The following KHDRBS2 variants were observed in gnomAD, a reference collection of about 807,000 sequenced individuals.
The protein encoded by KHDRBS2 is KH RNA binding domain containing, signal transduction associated 2, also known as KH domain-containing, RNA-binding, signal transduction-associated protein 2.
Under a neutral mutation model 44.3 loss-of-function variants are expected in KHDRBS2, and 26 were observed. That is an observed-to-expected ratio of 0.59 (90% CI 0.43 to 0.81). The LOEUF (loss-of-function observed/expected upper bound fraction) is 0.81. Among genes scored for constraint, KHDRBS2 ranks in the 40% least tolerant of loss-of-function variants. The pLI is 0.00. For synonymous variants in KHDRBS2, 194 were observed against 151.1 expected, an observed-to-expected ratio of 1.28 and a Z score of -2.08; for missense variants, 476 against 433.1, an observed-to-expected ratio of 1.10 and a Z score of -0.88.
chr6:61,880,333 T>A (rs1400130698), intron 6 of KHDRBS2, among the ~76,000 whole-genome samples: 1 of 151,926 alleles, frequency 6.6e-6, no homozygotes, highest in African/African-American at 2.4e-5. Flanking sequence ...TGGGAGCAAA[T>A]TTTAATGGAG....
At chr6:61,849,629 A>G (rs941391768) in intron 6 of KHDRBS2, among the ~76,000 whole-genome samples, 1 of 146,740 alleles carries the variant, frequency 6.8e-6, no homozygotes, top group Non-Finnish European at 1.5e-5. Context: ...TCAGAGAAAC[A>G]AAGTTTTTTT....
chr6:61,746,932 T>G (rs745375685), intron 6 of KHDRBS2, among the ~76,000 whole-genome samples: 67 of 150,936 alleles, frequency 4.4e-4, no homozygotes, highest in Non-Finnish European at 4.0e-4. Context: ...ACCATCAGAG[T>G]GAACAGGCAA....
intron 7 of KHDRBS2, among the ~76,000 whole-genome samples, chr6:61,729,028 G>C (rs547054993): frequency 9.9e-5 from 15 of 152,170 alleles, no homozygotes; most frequent in African/African-American, 3.6e-4. Flanking sequence ...ACATGCACTT[G>C]TATGTTTATT....
chr6:61,896,939 T>C (rs1191666792), intron 5 of KHDRBS2, among the ~76,000 whole-genome samples: 1 of 152,176 alleles, frequency 6.6e-6, no homozygotes, highest in Non-Finnish European at 1.5e-5. Context: ...TGCTTTTCTC[T>C]ACTTTTCCTC....
intron 4 of KHDRBS2, among the ~76,000 whole-genome samples, chr6:61,949,370 C>T (rs1416081335): frequency 6.6e-6 from 1 of 152,012 alleles, no homozygotes; most frequent in East Asian, 1.9e-4. Flanking sequence ...TTACATGTTG[C>T]ATGCTTTTTA....
chr6:61,763,727 T>A (rs1279491847), intron 6 of KHDRBS2, among the ~76,000 whole-genome samples: 1 of 152,192 alleles, frequency 6.6e-6, no homozygotes, highest in Non-Finnish European at 1.5e-5. Context: ...TTATGTGGAA[T>A]CCTTAAGTCA....
intron 6 of KHDRBS2, among the ~76,000 whole-genome samples, chr6:61,860,049 A>G (rs1562318714): frequency 6.6e-6 from 1 of 151,954 alleles, no homozygotes; most frequent in Non-Finnish European, 1.5e-5. Flanking sequence ...ATGGATTGAG[A>G]AAAGGGAATT....
chr6:62,273,019 A>G (rs1218343441), intron 1 of KHDRBS2, among the ~76,000 whole-genome samples: 1 of 152,180 alleles, frequency 6.6e-6, no homozygotes, highest in Non-Finnish European at 1.5e-5. Context: ...AAAAAGGGAT[A>G]CATAAGTTAA....
At chr6:61,661,817 AC>A in the KHDRBS2 span, among the ~76,000 whole-genome samples, 1 of 152,004 alleles carries the variant, frequency 6.6e-6, no homozygotes, top group Non-Finnish European at 1.5e-5. Context: ...AAATGGCCAT[AC>A]TGCCTAAGGT....
chr6:61,573,009 G>T, the KHDRBS2 span, among the ~76,000 whole-genome samples: 1 of 152,104 alleles, frequency 6.6e-6, no homozygotes, highest in East Asian at 1.9e-4. Context: ...CATTCAAATT[G>T]GTAAAGACAA....
chr6:61,632,344 A>G, the KHDRBS2 span, among the ~76,000 whole-genome samples: 1 of 152,132 alleles, frequency 6.6e-6, no homozygotes. Flanking sequence ...GCAGTAAAGG[A>G]GGAAGAAAAC....
chr6:62,167,598 T>C (rs1818975858), intron 2 of KHDRBS2, among the ~76,000 whole-genome samples: 1 of 152,096 alleles, frequency 6.6e-6, no homozygotes, highest in African/African-American at 2.4e-5. Flanking sequence ...ATTTTCTCAA[T>C]TAAAATTTAA....
chr6:62,241,921 G>C (rs181635095), intron 1 of KHDRBS2, among the ~76,000 whole-genome samples: 1 of 152,058 alleles, frequency 6.6e-6, no homozygotes, highest in Admixed American at 6.6e-5. Context: ...TCTTTTTTTG[G>C]AAGTTGGTCA....
chr6:61,556,475 A>G, the KHDRBS2 span, among the ~76,000 whole-genome samples: 3,762 of 152,276 alleles, frequency 0.025, 74 homozygotes, highest in Middle Eastern at 0.037. Flanking sequence ...ATTGGCAAAG[A>G]CATTCTAAGT....
intron 7 of KHDRBS2, among the ~76,000 whole-genome samples, chr6:61,708,728 T>C (rs1417063603): frequency 1.3e-5 from 2 of 151,650 alleles, no homozygotes; most frequent in Non-Finnish European, 3.0e-5. Flanking sequence ...GATAGATAGA[T>C]AGTAAACAGT....
intron 2 of KHDRBS2, among the ~76,000 whole-genome samples, chr6:62,088,277 A>C (rs1798798842): frequency 6.6e-6 from 1 of 152,102 alleles, no homozygotes; most frequent in South Asian, 2.1e-4. Context: ...GAGAAGAGGC[A>C]TTCTGGCTTT....
At chr6:61,707,827 T>C (rs530862427) in intron 7 of KHDRBS2, among the ~76,000 whole-genome samples, 14 of 151,834 alleles carry the variant, frequency 9.2e-5, no homozygotes, top group African/African-American at 3.1e-4. Context: ...ACAAGTATGA[T>C]ACATCCAGTC....
chr6:61,621,135 G>A, the KHDRBS2 span, among the ~76,000 whole-genome samples: 1 of 152,148 alleles, frequency 6.6e-6, no homozygotes, highest in African/African-American at 2.4e-5. Flanking sequence ...GAAGGACACC[G>A]GCCTGAGTAG....
chr6:61,941,674 T>TGA (rs999188560), intron 4 of KHDRBS2, among the ~76,000 whole-genome samples: 2 of 151,772 alleles, frequency 1.3e-5, no homozygotes, highest in African/African-American at 4.8e-5. Flanking sequence ...GCTGAAGGAA[T>TGA]GATACAGAGA....
Sources: allele counts gnomAD v4.1 joint callset (sites outside exome capture counted in the v4.1 genomes callset), GRCh38; gene constraint gnomAD v4.1.1; transcripts MANE v1.5; gene names NCBI Gene and HGNC (gene_info 2026-07-23, HGNC 2026-07-21).